GTPBP1: variants seen among roughly 807,000 people sequenced by gnomAD.
GTPBP1 encodes the protein GTP binding protein 1, also known as GTP-binding protein 1.
In GTPBP1, 23 loss-of-function variants were observed where a neutral mutation model predicts 62.0. The observed-to-expected ratio is 0.37, with a 90% CI of 0.27 to 0.53. The LOEUF is 0.53. Ranked by LOEUF, GTPBP1 falls within the 20% of genes least tolerant of loss-of-function variation. The probability of loss-of-function intolerance (pLI) is 0.89; values close to 1 mark genes in which losing one functional copy is unlikely to be tolerated. For missense variants in GTPBP1, 640 were observed against 917.3 expected (o/e 0.70, Z 3.90); for synonymous variants, 344 against 364.4 (o/e 0.94, Z 0.64).
downstream of GTPBP1, chr22:38,735,444 A>C (rs1052642690): frequency 1.8e-5 from 6 of 326,356 alleles, no homozygotes; most frequent in Admixed American, 2.2e-4. Context: ...AGACAGGTCT[A>C]GGTCTCCATA....
rs1451555443 is a variant in GTPBP1 at position 38,725,983 on chromosome 22, C to T, written c.1074-23C>T. ...TCCTGAGTGCCTCTCTCCTTTTTTC[C>T]TTCCTCTTCTCCCTCTGCTTAGGAT... On this transcript the variant is annotated intron_variant, in intron 6 of 11. Transcript: ENST00000216044. 6.2e-6 allele frequency: 10 copies of T among 1,606,062 alleles called. No homozygotes were observed. In the Admixed American group the frequency reaches 1.0e-4, roughly 17 times the overall value.
intron 4 of GTPBP1, 137 bp from the exon 5 acceptor site, chr22:38,721,605 C>A (rs1271512443): frequency 4.6e-6 from 3 of 649,872 alleles, no homozygotes; most frequent in Non-Finnish European, 7.9e-6. Flanking sequence ...TTTTGACGCC[C>A]CACATCATCG....
At chr22:38,708,708 T>C (rs995418985) in intron 1 of GTPBP1, 137 bp from the exon 2 acceptor site, 7 of 619,900 alleles carry the variant, frequency 1.1e-5, no homozygotes, top group Non-Finnish European at 2.1e-5. Flanking sequence ...AGAGAGGGCA[T>C]GAAGGGGCTG....
At chr22:38,742,692 C>A, downstream of GTPBP1, 1 of 1,188,136 alleles carries the variant, frequency 8.4e-7, no homozygotes, top group South Asian at 1.6e-5. Flanking sequence ...CATGCAGGGC[C>A]GGCTGGAGCT....
At position 38,716,920 on chromosome 22, in the gene GTPBP1, G is replaced by T. The variant is rs1435242205; in HGVS notation, c.754G>T (p.Asp252Tyr). 4 of 1,613,976 alleles carry T rather than the reference G, an allele frequency of 2.5e-6. No homozygotes were observed. Among genetic ancestry groups the T allele is most frequent in the African/African-American group, 2.7e-5 (2 of 74,936 alleles). ...GTCCACGAAAGTCATTACCTTCATC[G>T]ACTTGGCTGGTCATGAGAAGTACCT... is the stretch of plus-strand genomic sequence containing the variant. ...EKSTKVITFI[D>Y]LAGHEKYLKT... The change falls in exon 4 of 12, where the codon GAC (aspartate) becomes TAC (tyrosine). Residue 252 changes from aspartate (D) to tyrosine (Y), a missense_variant. Physicochemically the swap from Asp to Tyr is radical, Grantham distance 160 (BLOSUM62 -3). Coordinates refer to ENST00000216044, the MANE Select transcript of GTPBP1 (RefSeq NM_004286.5). The surrounding 1 kb of genome is among the most constrained non-coding windows in gnomAD (Gnocchi z 5.2).
chr22:38,709,798 C>G (rs182419665), intron 2 of GTPBP1, among the ~76,000 whole-genome samples: 1 of 152,236 alleles, frequency 6.6e-6, no homozygotes, highest in South Asian at 2.1e-4. Context: ...AGGTCGTCCT[C>G]TCTCCCCACT....
chr22:38,736,022 C>G (rs1308714376), downstream of GTPBP1: 6 of 539,300 alleles, frequency 1.1e-5, no homozygotes, highest in South Asian at 8.1e-5. Context: ...TATATACACA[C>G]TCCCAGGATG....
intron 2 of GTPBP1, among the ~76,000 whole-genome samples, chr22:38,713,861 A>C (rs1381633880): frequency 1.3e-5 from 2 of 152,190 alleles, no homozygotes; most frequent in Non-Finnish European, 2.9e-5. Context: ...TATCCAGGCA[A>C]TTGGAAATTC....
At chr22:38,728,247 AG>A (rs1462580001) in intron 10 of GTPBP1, 86 bp downstream of exon 10, 7 of 935,984 alleles carry the variant, frequency 7.5e-6, no homozygotes, top group Non-Finnish European at 1.2e-5. Context: ...GCAGAGGTTT[AG>A]TCACTGCCAT....
downstream of GTPBP1, chr22:38,740,720 G>T: frequency 1.7e-6 from 1 of 584,852 alleles, no homozygotes; most frequent in South Asian, 2.1e-5. This position sits in a 1 kb window ranked among gnomAD's most constrained non-coding sequence, Gnocchi z 4.8. Flanking sequence ...TGGGGCATGA[G>T]AAGGCAGTTA....
chr22:38,712,918 T>A (rs2092648258), intron 2 of GTPBP1, among the ~76,000 whole-genome samples: 1 of 152,194 alleles, frequency 6.6e-6, no homozygotes. Flanking sequence ...TGTTTTACAT[T>A]TTACAAACAT....
downstream of GTPBP1, chr22:38,738,782 C>G (rs764253312): frequency 1.4e-5 from 22 of 1,609,738 alleles, no homozygotes; most frequent in South Asian, 2.3e-4. The surrounding 1 kb of genome is among the most constrained non-coding windows in gnomAD (Gnocchi z 6.6). Context: ...CATGTCAGGA[C>G]AGGGCCCTGA....
chr22:38,725,941 C>T, intron 6 of GTPBP1, 65 bp from the exon 7 acceptor site: 1 of 1,507,206 alleles, frequency 6.6e-7, no homozygotes, highest in East Asian at 2.3e-5. Context: ...TGGTCTGTGT[C>T]AGGGCAGGAC....
downstream of GTPBP1, chr22:38,739,190 T>C: frequency 1.0e-6 from 1 of 959,778 alleles, no homozygotes; most frequent in Non-Finnish European, 1.6e-6. The surrounding 1 kb of genome is among the most constrained non-coding windows in gnomAD (Gnocchi z 6.7). Context: ...TTCCCTGAAT[T>C]GCCACTTGCC....
At chr22:38,722,915 G>T in intron 5 of GTPBP1, 2 of 1,108,374 alleles carry the variant, frequency 1.8e-6, no homozygotes, top group Non-Finnish European at 2.8e-6. Context: ...GGTCATTGAC[G>T]CTCAAGTGCT....
downstream of GTPBP1, chr22:38,735,769 T>A: frequency 6.2e-6 from 1 of 160,114 alleles, no homozygotes; most frequent in Admixed American, 6.2e-5. Context: ...GCTGGGCAGC[T>A]CTCCATCAAG....
At chr22:38,725,301 C>T (rs1375392797) in intron 6 of GTPBP1, 1 of 152,304 alleles carries the variant, frequency 6.6e-6, no homozygotes, top group Non-Finnish European at 1.5e-5. Context: ...GCAATAGAGG[C>T]CATTTACAGG....
At chr22:38,707,358 G>A (rs2092611298) in intron 1 of GTPBP1, among the ~76,000 whole-genome samples, 1 of 152,210 alleles carries the variant, frequency 6.6e-6, no homozygotes. Context: ...AACTGGGGAG[G>A]AACTTTCCCT....
At chr22:38,736,730 C>A, downstream of GTPBP1, 1 of 192,482 alleles carries the variant, frequency 5.2e-6, no homozygotes, top group Non-Finnish European at 1.1e-5. Context: ...CATCGGGCCT[C>A]TGTCTAGCCA....
Sources: allele counts gnomAD v4.1 joint callset (sites outside exome capture counted in the v4.1 genomes callset), GRCh38; gene constraint gnomAD v4.1.1; non-coding constraint Gnocchi (gnomAD v3.1); transcripts MANE v1.5; gene names NCBI Gene and HGNC (gene_info 2026-07-23, HGNC 2026-07-21).